The following ABCA9 variants were observed in gnomAD, a reference collection of about 807,000 sequenced individuals.
ABCA9 encodes the protein ATP-binding cassette sub-family A member 9.
A neutral mutation model predicts 205.3 loss-of-function variants in ABCA9; 183 were observed. The observed-to-expected ratio is 0.89, with a 90% confidence interval of 0.79 to 1.01. The LOEUF is 1.01. Among genes scored for constraint, ABCA9 ranks in the 50% least tolerant of loss-of-function variants. The pLI is 0.00. For missense variants in ABCA9, 1,805 were observed against 1,912.4 expected, an observed-to-expected ratio of 0.94 and a Z score of 1.05; for synonymous variants, 651 against 683.3, an observed-to-expected ratio of 0.95 and a Z score of 0.74.
the ABCA9 span, among the ~76,000 whole-genome samples, chr17:69,073,586 G>A: frequency 2.6e-5 from 4 of 152,066 alleles, no homozygotes; most frequent in Non-Finnish European, 5.9e-5. Context: ...AGAATCTCTG[G>A]GACAGCTACA....
chr17:69,073,004 G>A, the ABCA9 span, among the ~76,000 whole-genome samples: 5 of 152,106 alleles, frequency 3.3e-5, no homozygotes, highest in African/African-American at 4.8e-5. Flanking sequence ...AGACAAAGAA[G>A]GGCATTACAT....
At chr17:69,004,329 C>T (rs1567932933) in intron 25 of ABCA9, among the ~76,000 whole-genome samples, 1 of 152,062 alleles carries the variant, frequency 6.6e-6, no homozygotes, top group Non-Finnish European at 1.5e-5. Context: ...GTTAGTTTTC[C>T]TTCTAACGGA....
At chr17:69,026,155 A>T (rs954894098) in intron 16 of ABCA9, among the ~76,000 whole-genome samples, 1 of 152,134 alleles carries the variant, frequency 6.6e-6, no homozygotes, top group Non-Finnish European at 1.5e-5. Context: ...ATTTTTCAAA[A>T]ATTTTATTTA....
In ABCA9 at chr17:68,989,016, G is replaced by C; in HGVS notation, c.4047+11C>G. 1 of 1,567,488 alleles carries C rather than the reference G, an allele frequency of 6.4e-7. No individual in the cohort carries two copies. Among genetic ancestry groups the C allele is most frequent in the Non-Finnish European group, 8.8e-7 (1 of 1,138,832 alleles). On this transcript the variant is annotated intron_variant, in intron 31 of 38. Transcript: ENST00000340001. The stretch of plus-strand genomic sequence containing the variant: ...AGCACTAATGACCATATTCCTGTAC[G>C]TTTTACTGACCTGTCCTGCAGTTGG...
upstream of ABCA9, among the ~76,000 whole-genome samples, chr17:69,061,773 GAAGAA>G (rs1426676891): frequency 3.3e-5 from 5 of 152,166 alleles, no homozygotes; most frequent in African/African-American, 1.2e-4. Context: ...TATGTAAGTA[GAAGAA>G]AAGACTGTTC....
chr17:69,059,404 A>C (rs9284343), intron 1 of ABCA9, among the ~76,000 whole-genome samples: 1 of 151,840 alleles, frequency 6.6e-6, no homozygotes, highest in African/African-American at 2.4e-5. Context: ...GGAGGCAGAC[A>C]AGATCAGAGT....
intron 23 of ABCA9, among the ~76,000 whole-genome samples, chr17:69,010,175 T>TA (rs372004651): frequency 0.58 from 82,654 of 143,168 alleles, 24,573 homozygotes; most frequent in Non-Finnish European, 0.68. Context: ...GACAGTTAAT[T>TA]AAAAAAAAAA....
chr17:69,039,726 G>C (rs375293865), intron 6 of ABCA9, among the ~76,000 whole-genome samples: 1 of 152,100 alleles, frequency 6.6e-6, no homozygotes, highest in African/African-American at 2.4e-5. Flanking sequence ...AAACTAAAGA[G>C]CTTCTGCAGA....
intron 3 of ABCA9, among the ~76,000 whole-genome samples, chr17:69,046,170 T>C (rs1268830316): frequency 6.6e-6 from 1 of 152,190 alleles, no homozygotes; most frequent in Non-Finnish European, 1.5e-5. Flanking sequence ...TGTAGCCAAA[T>C]TTCCAAAGAC....
At chr17:69,073,226 A>T in the ABCA9 span, among the ~76,000 whole-genome samples, 7 of 152,194 alleles carry the variant, frequency 4.6e-5, no homozygotes, top group African/African-American at 1.7e-4. Context: ...TCAGGACGTG[A>T]ACTCAGCTCT....
At chr17:68,979,806 T>C (rs12023973) in intron 37 of ABCA9, among the ~76,000 whole-genome samples, 6 of 152,262 alleles carry the variant, frequency 3.9e-5, no homozygotes, top group African/African-American at 1.4e-4. Flanking sequence ...AAGACTTAAA[T>C]GTTAGACCTA....
At position 69,048,668 on chromosome 17, in the gene ABCA9, T is replaced by A. The variant is rs190753078; in HGVS notation, c.304+615A>T. Among the ~76,000 whole-genome samples the A allele has an allele frequency of 8.9e-4, 135 of 152,326 alleles. No homozygotes were observed. In the Middle Eastern group the frequency reaches 0.017, roughly 19 times the overall value. On this transcript the variant is annotated intron_variant, in intron 3 of 38. Transcript: ENST00000340001. The stretch of plus-strand genomic sequence containing the variant: ...CAGCTTCAATAGCATTCCAAAACTA[T>A]ACTAGTAATAAAATTTCTGAATATG...
In ABCA9 at chr17:68,982,620, A is replaced by G; in HGVS notation, c.4662T>C (p.Tyr1554=). ...QQERFSSLMV[Y]KLPVEDVRPL... is the part of the protein sequence containing the mutation. ...GTCGCACATCCTCAACAGGCAACTTATAGACCATCAGGGAGGAGAACCTGC... is the reference window on the plus strand; with the variant it reads ...GTCGCACATCCTCAACAGGCAACTTGTAGACCATCAGGGAGGAGAACCTGC... The change falls in exon 37 of 39, where the codon TAT becomes TAC. Residue 1554 remains tyrosine, a synonymous_variant. Coordinates refer to ENST00000340001, the MANE Select transcript of ABCA9 (RefSeq NM_080283.4). 6.2e-7 allele frequency: 1 copy of G among 1,614,072 alleles called. No homozygotes were observed. Among genetic ancestry groups the G allele is most frequent in the Non-Finnish European group, 8.5e-7 (1 of 1,179,924 alleles).
At chr17:69,052,882 G>T (rs1454034664) in intron 1 of ABCA9, among the ~76,000 whole-genome samples, 1 of 152,126 alleles carries the variant, frequency 6.6e-6, no homozygotes, top group African/African-American at 2.4e-5. Flanking sequence ...GTAGCTCACA[G>T]AACTCAGAAA....
intron 12 of ABCA9, among the ~76,000 whole-genome samples, chr17:69,028,179 T>G (rs2071053530): frequency 6.6e-6 from 1 of 152,226 alleles, no homozygotes; most frequent in Non-Finnish European, 1.5e-5. Flanking sequence ...TACATAATTT[T>G]TTTTTGGAGA....
At chr17:68,984,271 G>T in intron 34 of ABCA9, 96 bp from the exon 35 acceptor site, 1 of 1,536,254 alleles carries the variant, frequency 6.5e-7, no homozygotes, top group Non-Finnish European at 8.8e-7. Context: ...GATGAAACAT[G>T]CAGCGAATTC....
At chr17:69,078,355 C>G in the ABCA9 span, among the ~76,000 whole-genome samples, 2 of 152,030 alleles carry the variant, frequency 1.3e-5, no homozygotes, top group Non-Finnish European at 2.9e-5. Flanking sequence ...CAAATGCCAA[C>G]GCCCGGCTAA....
Position 68,989,908 on chromosome 17 carries a change from C to G in ABCA9, c.3860G>C (p.Cys1287Ser), listed in dbSNP as rs1398138792. 1 of 1,611,670 alleles carries G rather than the reference C, an allele frequency of 6.2e-7. No homozygotes were observed. The highest frequency in any genetic ancestry group is 1.7e-5 in the Admixed American group (1 of 59,540). ...FDETPVIIAS[C>S]LRKEYAGKKK... ...TTTGCCTGCATATTCCTTCCGTAGA[C>G]AGCTGGCAATGATGACGGGTGTCTG... The change falls in exon 30 of 39, where the codon TGT becomes TCT. Residue 1287 changes from cysteine (C) to serine (S), a missense_variant. By Grantham distance (112) the Cys-to-Ser change is moderately radical (BLOSUM62 -1). Coordinates refer to ENST00000340001, the MANE Select transcript of ABCA9 (RefSeq NM_080283.4).
At chr17:69,061,168 T>G, upstream of ABCA9, 3 of 984,904 alleles carry the variant, frequency 3.0e-6, no homozygotes, top group Non-Finnish European at 3.6e-6. Context: ...TATCAAAACA[T>G]TAGGAACTAT....
Sources: allele counts gnomAD v4.1 joint callset (sites outside exome capture counted in the v4.1 genomes callset), GRCh38; gene constraint gnomAD v4.1.1; transcripts MANE v1.5; gene names NCBI Gene and HGNC (gene_info 2026-07-23, HGNC 2026-07-21).